The following MAGI2 variants were observed in gnomAD, a reference collection of about 807,000 sequenced individuals.
MAGI2 encodes the protein membrane-associated guanylate kinase, WW and PDZ domain-containing protein 2.
MAGI2 carries 35 observed loss-of-function variants against 133.3 expected under a neutral mutation model. That is an observed-to-expected ratio of 0.26 (90% CI 0.20 to 0.35). MAGI2 has a LOEUF of 0.35. Among genes scored for constraint, MAGI2 ranks in the 10% least tolerant of loss-of-function variants. The pLI is 1.00. For missense variants in MAGI2, 1,636 were observed against 1,863.4 expected, an observed-to-expected ratio of 0.88 and a Z score of 2.25; for synonymous variants, 729 against 710.6, an observed-to-expected ratio of 1.03 and a Z score of -0.41.
chr7:79,256,512 CAG>C, intron 1 of MAGI2, among the ~76,000 whole-genome samples: 1 of 82,598 alleles, frequency 1.2e-5, no homozygotes, highest in East Asian at 4.1e-4. Flanking sequence ...TTTTTTTTGA[CAG>C]AGTCTTATAC....
At chr7:79,035,726 A>C (rs1007727659) in intron 1 of MAGI2, among the ~76,000 whole-genome samples, 1 of 152,186 alleles carries the variant, frequency 6.6e-6, no homozygotes, top group African/African-American at 2.4e-5. Flanking sequence ...TCTTATATTA[A>C]GACTTTTCCC....
intron 20 of MAGI2, among the ~76,000 whole-genome samples, chr7:78,119,272 G>A (rs1268043665): frequency 2.6e-5 from 4 of 152,006 alleles, no homozygotes; most frequent in South Asian, 2.1e-4. Flanking sequence ...TAGAATGTAC[G>A]ACACCGGCCG....
chr7:78,815,064 T>C (rs913612343), intron 2 of MAGI2, among the ~76,000 whole-genome samples: 3 of 152,156 alleles, frequency 2.0e-5, no homozygotes, highest in Non-Finnish European at 4.4e-5. Context: ...TTTGGTTGCT[T>C]ATTTCTATAT....
At chr7:79,204,262 G>T (rs990884855) in intron 1 of MAGI2, among the ~76,000 whole-genome samples, 7 of 152,050 alleles carry the variant, frequency 4.6e-5, no homozygotes, top group Non-Finnish European at 7.4e-5. Flanking sequence ...CAGGCTTCAG[G>T]CTTGTGTGTA....
At chr7:79,152,937 A>T (rs921989590) in intron 1 of MAGI2, among the ~76,000 whole-genome samples, 1 of 152,196 alleles carries the variant, frequency 6.6e-6, no homozygotes, top group African/African-American at 2.4e-5. Context: ...TGTAATTTTT[A>T]AAATCTCCAA....
At chr7:78,564,443 CTTAT>C (rs1345886608) in intron 3 of MAGI2, among the ~76,000 whole-genome samples, 1 of 152,144 alleles carries the variant, frequency 6.6e-6, no homozygotes, top group Non-Finnish European at 1.5e-5. Flanking sequence ...CAATGATCCA[CTTAT>C]TTATCAACTT....
intron 9 of MAGI2, among the ~76,000 whole-genome samples, chr7:78,331,895 A>G (rs1344597703): frequency 1.3e-5 from 2 of 152,222 alleles, no homozygotes; most frequent in African/African-American, 4.8e-5. Flanking sequence ...TAACTTAAAA[A>G]TAATAGTAAT....
At chr7:79,368,463 A>C (rs1353178812) in intron 1 of MAGI2, among the ~76,000 whole-genome samples, 1 of 152,182 alleles carries the variant, frequency 6.6e-6, no homozygotes, top group African/African-American at 2.4e-5. Context: ...TTTAGAGCCA[A>C]ACAATTTTTG....
At chr7:78,546,780 T>C (rs1222101303) in intron 3 of MAGI2, among the ~76,000 whole-genome samples, 2 of 152,160 alleles carry the variant, frequency 1.3e-5, no homozygotes, top group Non-Finnish European at 2.9e-5. Context: ...TTGTGCCACA[T>C]AGTAGCTATG....
chr7:78,637,279 C>T (rs1377709718), intron 2 of MAGI2, among the ~76,000 whole-genome samples: 1 of 152,048 alleles, frequency 6.6e-6, no homozygotes, highest in Non-Finnish European at 1.5e-5. Flanking sequence ...GGAAATAATG[C>T]ACCTATCTTT....
At chr7:78,403,156 C>A (rs573298973) in intron 6 of MAGI2, among the ~76,000 whole-genome samples, 1 of 152,142 alleles carries the variant, frequency 6.6e-6, no homozygotes, top group Non-Finnish European at 1.5e-5. Context: ...CTCCCTCCCC[C>A]CATCCCATGA....
chr7:79,293,664 A>G (rs1382031816), intron 1 of MAGI2, among the ~76,000 whole-genome samples: 2 of 152,208 alleles, frequency 1.3e-5, no homozygotes, highest in Non-Finnish European at 1.5e-5. Context: ...TGACAGATGA[A>G]AAATTTATGG....
chr7:79,215,631 T>G (rs907700440), intron 1 of MAGI2, among the ~76,000 whole-genome samples: 1 of 151,964 alleles, frequency 6.6e-6, no homozygotes, highest in Non-Finnish European at 1.5e-5. Context: ...GACCTGGCAA[T>G]ACTTCCACCT....
chr7:78,943,359 C>T lies in MAGI2; in HGVS notation c.418+63731G>A, dbSNP rs540560256. 4.6e-5 allele frequency among the ~76,000 whole-genome samples: 7 copies of T among 152,202 alleles called. No homozygotes were observed. The South Asian group carries it at 6.2e-4, about 14-fold the overall frequency. On this transcript the variant is annotated intron_variant, in intron 2 of 21. Coordinates refer to ENST00000354212, the MANE Select transcript of MAGI2 (RefSeq NM_012301.4). ...TCTTGGGATTTTCATATGGGTTATA[C>T]TTTCACAACTGTCAAAGCAGATCAT...
At chr7:78,836,042 T>A (rs2151452531) in intron 2 of MAGI2, among the ~76,000 whole-genome samples, 1 of 152,346 alleles carries the variant, frequency 6.6e-6, no homozygotes, top group East Asian at 1.9e-4. Flanking sequence ...GGAACAGTAA[T>A]GGGTATTCCC....
chr7:78,362,456 A>G (rs1046952199), intron 7 of MAGI2, among the ~76,000 whole-genome samples: 3 of 152,172 alleles, frequency 2.0e-5, no homozygotes, highest in Non-Finnish European at 4.4e-5. Flanking sequence ...GGAATTATCA[A>G]CTATGAACTA....
intron 1 of MAGI2, among the ~76,000 whole-genome samples, chr7:79,251,068 G>T (rs534758003): frequency 6.6e-6 from 1 of 152,182 alleles, no homozygotes; most frequent in Admixed American, 6.5e-5. Context: ...CTTACATCTT[G>T]CCATATACAA....
At chr7:78,945,589 A>T (rs773366202) in intron 2 of MAGI2, among the ~76,000 whole-genome samples, 1 of 152,174 alleles carries the variant, frequency 6.6e-6, no homozygotes, top group Non-Finnish European at 1.5e-5. Context: ...AGATTCCTTG[A>T]CATTTATTTT....
At chr7:78,607,032 C>T (rs906340178) in intron 3 of MAGI2, among the ~76,000 whole-genome samples, 1 of 152,140 alleles carries the variant, frequency 6.6e-6, no homozygotes, top group Non-Finnish European at 1.5e-5. Context: ...TAACAATAGC[C>T]CAAACTCCAT....
Sources: gnomAD v4.1 joint callset for allele counts (sites outside exome capture counted in the v4.1 genomes callset) on GRCh38, gnomAD v4.1.1 for gene constraint, MANE v1.5 for transcripts, NCBI Gene and HGNC (gene_info 2026-07-23, HGNC 2026-07-21) for gene names.